TAB1: variants seen among roughly 807,000 people sequenced by gnomAD.
TAB1 encodes the protein TGF-beta activated kinase 1 (MAP3K7) binding protein 1.
A neutral mutation model predicts 54.5 loss-of-function variants in TAB1; 30 were observed. That is an observed-to-expected ratio of 0.55 (90% confidence interval 0.41 to 0.75). The LOEUF (loss-of-function observed/expected upper bound fraction) is 0.75. Among genes scored for constraint, TAB1 ranks in the 30% least tolerant of loss-of-function variants. TAB1 has a pLI of 0.00. For synonymous variants in TAB1, 289 were observed against 286.9 expected, an observed-to-expected ratio of 1.01 and a Z score of -0.07; for missense variants, 609 against 683.2, an observed-to-expected ratio of 0.89 and a Z score of 1.21.
Position 39,419,641 on chromosome 22 carries a change from G to T in TAB1, c.776+11G>T. On this transcript the variant is annotated intron_variant, in intron 7 of 10. Transcript: ENST00000216160. Reference sequence around the variant, plus strand: ...CATTGACCTTCTCAGGTAGGTGCCAGCCCAGCTGTCCCCTGTGCTTGAAAG... The same window carrying T: ...CATTGACCTTCTCAGGTAGGTGCCATCCCAGCTGTCCCCTGTGCTTGAAAG... 6.3e-7 allele frequency: 1 copy of T among 1,583,538 alleles called. No individual in the cohort carries two copies. The highest frequency in any genetic ancestry group is 1.7e-5 in the Admixed American group (1 of 59,288).
Position 39,431,000 on chromosome 22 carries a change from G to T in TAB1, c.*778G>T. 2 of 986,270 alleles carry T rather than the reference G, an allele frequency of 2.0e-6. No individual in the cohort carries two copies. Among genetic ancestry groups the T allele is most frequent in the Non-Finnish European group, 2.4e-6 (2 of 830,574 alleles). The allele number at this position is 986,270 out of a possible 1,614,324, so 61.1% of individuals were successfully genotyped here. On this transcript the variant is annotated 3_prime_UTR_variant, in exon 11 of 11. Coordinates refer to ENST00000216160, the MANE Select transcript of TAB1 (RefSeq NM_006116.3). ...GTCAGGCCTGAGCCAGGGTGAGCTG[G>T]TGCCTGCCTTGCATTTTCCTTCTGG...
rs1187716477 is a variant in TAB1 at position 39,415,247 on chromosome 22, T to A, written c.170+105T>A. 2.9e-6 allele frequency: 4 copies of A among 1,399,980 alleles called. No homozygotes were observed. The highest frequency in any genetic ancestry group is 3.9e-6 in the Non-Finnish European group (4 of 1,037,576). The allele number at this position is 1,399,980 out of a possible 1,614,324, so 86.7% of individuals were successfully genotyped here. A position where few individuals can be genotyped will look rare whatever the true frequency, so the allele number is the denominator to read the frequency against. On this transcript the variant is annotated intron_variant, in intron 2 of 10. Transcript: ENST00000216160. This position sits in a 1 kb window ranked among gnomAD's most constrained non-coding sequence, Gnocchi z 4.9. Reference sequence around the variant, plus strand: ...TTCTCGTATGGGCTTGCCAGTGACATGTGGCCCGTGAGAGGTGGCCTCTGC... The same window carrying A: ...TTCTCGTATGGGCTTGCCAGTGACAAGTGGCCCGTGAGAGGTGGCCTCTGC...
intron 1 of TAB1, among the ~76,000 whole-genome samples, chr22:39,400,456 C>G (rs1329700283): frequency 6.6e-6 from 1 of 150,870 alleles, no homozygotes; most frequent in East Asian, 1.9e-4. Flanking sequence ...GGTTCTGGTC[C>G]TGGCTCTGAC....
In TAB1 at chr22:39,417,821, C is replaced by T. The variant is rs1360508467; in HGVS notation, c.522C>T (p.Leu174=). The T allele has an allele frequency of 1.2e-6, 2 of 1,611,928 alleles. No individual in the cohort carries two copies. The highest frequency in any genetic ancestry group is 1.7e-6 in the Non-Finnish European group (2 of 1,178,988). The change falls in exon 5 of 11, where the codon CTC becomes CTT. Residue 174 remains leucine, a synonymous_variant. Coordinates refer to ENST00000216160, the MANE Select transcript of TAB1 (RefSeq NM_006116.3). ...GGAMAVVAVL[L]NNKLYVANVG... is the part of the protein sequence containing the mutation. ...CCATGGCCGTTGTGGCGGTCCTTCT[C>T]AACAACAAGCTCTACGTCGCCAATG...
At position 39,421,859 on chromosome 22, in the gene TAB1, C is replaced by T; in HGVS notation, c.809C>T (p.Pro270Leu). ...AAKSKPIIAE[P>L]EIHGAQPLDG... is the part of the protein sequence containing the mutation. ...AAGTCCAAACCAATCATCGCAGAGCCAGAAATCCATGGGGCACAGCCGCTG... is the reference window on the plus strand; with the variant it reads ...AAGTCCAAACCAATCATCGCAGAGCTAGAAATCCATGGGGCACAGCCGCTG... The change falls in exon 8 of 11, where the codon CCA becomes CTA. Residue 270 changes from proline (P) to leucine (L), a missense_variant. Pro to Leu is a moderately conservative substitution (Grantham distance 98, BLOSUM62 -3). Coordinates refer to ENST00000216160, the MANE Select transcript of TAB1 (RefSeq NM_006116.3). The T allele has an allele frequency of 6.2e-7, 1 of 1,614,104 alleles. No homozygotes were observed. Among genetic ancestry groups the T allele is most frequent in the Non-Finnish European group, 8.5e-7 (1 of 1,179,990 alleles).
chr22:39,417,330 G>A (rs1021995220), intron 4 of TAB1, among the ~76,000 whole-genome samples: 1 of 152,226 alleles, frequency 6.6e-6, no homozygotes, highest in Non-Finnish European at 1.5e-5. Flanking sequence ...GCTCTTAAGA[G>A]CAAAGGGAGG....
chr22:39,431,649 A>G lies in TAB1; in HGVS notation c.*1427A>G, dbSNP rs1210536513. The stretch of plus-strand genomic sequence containing the variant: ...GGAGCTGTGGGAAGCCACAGCAGAA[A>G]TGGAAGAAAAACAGGTCTCAGCCCA... On this transcript the variant is annotated 3_prime_UTR_variant, in exon 11 of 11. Coordinates refer to ENST00000216160, the MANE Select transcript of TAB1 (RefSeq NM_006116.3). The G allele has an allele frequency of 6.1e-6, 6 of 985,300 alleles. No homozygotes were observed. Among genetic ancestry groups the G allele is most frequent in the Admixed American group, 6.2e-5 (1 of 16,260 alleles). The allele number at this position is 985,300 out of a possible 1,614,324, so 61.0% of individuals were successfully genotyped here. A position where few individuals can be genotyped will look rare whatever the true frequency, so the allele number is the denominator to read the frequency against.
chr22:39,426,596 T>G, intron 8 of TAB1, 107 bp from the exon 9 acceptor site: 1 of 990,406 alleles, frequency 1.0e-6, no homozygotes, highest in Non-Finnish European at 1.5e-6. Context: ...CTTCACCTGC[T>G]GGGCTGTTGA....
rs867049674 is a variant in TAB1 at position 39,406,377 on chromosome 22, C to T, written c.33+6542C>T. On this transcript the variant is annotated intron_variant, in intron 1 of 10. Coordinates refer to ENST00000216160, the MANE Select transcript of TAB1 (RefSeq NM_006116.3). The stretch of plus-strand genomic sequence containing the variant: ...TCGCGCCACTGCACTCCAGCCTGGG[C>T]GACAGAGTGAGACTGTCACCAAAAA... Among the ~76,000 whole-genome samples the T allele has an allele frequency of 6.5e-5, 8 of 122,254 alleles. No individual in the cohort carries two copies. In the East Asian group the frequency reaches 1.1e-3, roughly 16 times the overall value. 80.2% of individuals were successfully genotyped at this position (122,254 alleles called of 152,430 possible).
At chr22:39,407,356 G>T (rs889659508) in intron 1 of TAB1, among the ~76,000 whole-genome samples, 2 of 152,200 alleles carry the variant, frequency 1.3e-5, no homozygotes, top group Admixed American at 1.3e-4. Flanking sequence ...ACTGCAAATA[G>T]AAATGACTTC....
intron 7 of TAB1, among the ~76,000 whole-genome samples, chr22:39,421,200 T>C (rs769897567): frequency 6.6e-6 from 1 of 152,154 alleles, no homozygotes; most frequent in South Asian, 2.1e-4. Flanking sequence ...TTAAAGGTGC[T>C]CATCTCTTCA....
chr22:39,405,198 G>A (rs970696652), intron 1 of TAB1, among the ~76,000 whole-genome samples: 1 of 152,192 alleles, frequency 6.6e-6, no homozygotes, highest in African/African-American at 2.4e-5. Context: ...ACTATTATGT[G>A]ACATGGACAC....
At chr22:39,408,846 A>T (rs565922182) in intron 1 of TAB1, among the ~76,000 whole-genome samples, 2 of 152,222 alleles carry the variant, frequency 1.3e-5, no homozygotes, top group Non-Finnish European at 2.9e-5. Context: ...GAACAGACCC[A>T]TAAGTTGCTT....
intron 1 of TAB1, among the ~76,000 whole-genome samples, chr22:39,405,480 G>T (rs1926320569): frequency 6.6e-6 from 1 of 152,268 alleles, no homozygotes; most frequent in Non-Finnish European, 1.5e-5. Flanking sequence ...CCGCGATGAG[G>T]CTGTGCTGAG....
In TAB1 at chr22:39,399,801, A is replaced by C; in HGVS notation, c.-2A>C. ...GGGCGCTCCCGCAGGGGTTCCTCCA[A>C]GATGGCGGCGCAGAGGAGGAGCTTG... On this transcript the variant is annotated 5_prime_UTR_variant, in exon 1 of 11. Coordinates refer to ENST00000216160, the MANE Select transcript of TAB1 (RefSeq NM_006116.3). 4 of 1,594,036 alleles carry C rather than the reference A, an allele frequency of 2.5e-6. No homozygotes were observed. In the East Asian group the frequency reaches 9.1e-5, roughly 36 times the overall value.
downstream of TAB1, chr22:39,433,517 C>T (rs1464651195): frequency 5.1e-6 from 5 of 985,026 alleles, no homozygotes; most frequent in African/African-American, 7.0e-5. Flanking sequence ...TGACGGAGGT[C>T]CTGGCCCTCA....
chr22:39,434,495 AG>A (rs1568990235), downstream of TAB1, among the ~76,000 whole-genome samples: 1 of 152,168 alleles, frequency 6.6e-6, no homozygotes, highest in East Asian at 1.9e-4. Flanking sequence ...AAACCAAACA[AG>A]GATGCAGATT....
chr22:39,435,189 G>A (rs999075807), downstream of TAB1, among the ~76,000 whole-genome samples: 1 of 152,190 alleles, frequency 6.6e-6, no homozygotes, highest in African/African-American at 2.4e-5. Flanking sequence ...TTTTGAACAG[G>A]TGAATTTTGC....
chr22:39,422,231 G>C (rs1328388854), intron 8 of TAB1, among the ~76,000 whole-genome samples: 1 of 152,096 alleles, frequency 6.6e-6, no homozygotes, highest in Non-Finnish European at 1.5e-5. Context: ...GATGTGAATT[G>C]CTATGGGCAC....
Sources: allele counts gnomAD v4.1 joint callset (sites outside exome capture counted in the v4.1 genomes callset), GRCh38; gene constraint gnomAD v4.1.1; non-coding constraint Gnocchi (gnomAD v3.1); transcripts MANE v1.5; gene names NCBI Gene and HGNC (gene_info 2026-07-23, HGNC 2026-07-21).